Variants in KCNV2 observed in about 807,000 individuals in gnomAD.
KCNV2 encodes the protein potassium voltage-gated channel modifier subfamily V member 2, also known as potassium voltage-gated channel subfamily V member 2.
A neutral mutation model predicts 37.0 loss-of-function variants in KCNV2; 65 were observed. The ratio of observed to expected loss-of-function variants is 1.76; its 90% confidence interval spans 1.44 to 2.16. The LOEUF is 2.16. KCNV2 is among the 30% of genes most tolerant of loss of function. KCNV2 has a pLI of 0.00. For missense variants in KCNV2, 1,232 were observed against 766.7 expected (o/e 1.61, Z -7.17); for synonymous variants, 518 against 328.6 (o/e 1.58, Z -6.23).
chr9:2,722,300 A>G (rs1819889117), intron 1 of KCNV2, among the ~76,000 whole-genome samples: 4 of 127,760 alleles, frequency 3.1e-5, no homozygotes, highest in Admixed American at 3.1e-4. Context: ...GTTATTTATA[A>G]ATTAGAAGTT....
At position 2,718,132 on chromosome 9, in the gene KCNV2, C is replaced by A; in HGVS notation, c.393C>A (p.Ser131Arg). The change falls in exon 1 of 2, where the codon AGC (serine) becomes AGA (arginine). Residue 131 changes from serine to arginine, a missense_variant. Coordinates refer to ENST00000382082, the MANE Select transcript of KCNV2 (RefSeq NM_133497.4). ...TRLGRLATST[S>R]RSRQLSLCDD... ...TAGGTCGCCTGGCCACCTCCACCAG[C>A]CGCAGCCGCCAGCTAAGCCTGTGCG... The A allele has an allele frequency of 6.2e-7, 1 of 1,607,708 alleles. No individual in the cohort carries two copies. The highest frequency in any genetic ancestry group is 8.5e-7 in the Non-Finnish European group (1 of 1,177,212).
rs758982535 is a variant in KCNV2, at chr9:2,717,622, G to A, written c.-118G>A. 12 of 1,325,200 alleles carry A rather than the reference G, an allele frequency of 9.1e-6. No homozygotes were observed. Among genetic ancestry groups the A allele is most frequent in the Non-Finnish European group, 1.1e-5 (10 of 931,554 alleles). The allele number at this position is 1,325,200 out of a possible 1,614,324, so 82.1% of individuals were successfully genotyped here. A position where few individuals can be genotyped will look rare whatever the true frequency, so the allele number is the denominator to read the frequency against. On this transcript the variant is annotated 5_prime_UTR_variant, in exon 1 of 2. Coordinates refer to ENST00000382082, the MANE Select transcript of KCNV2 (RefSeq NM_133497.4). Reference sequence around the variant, plus strand: ...TCTGAGCCCCTAGCTGTGCTGGTCCGGGCTGGCCTCTCTAAGACAGTGCAG... The same window carrying A: ...TCTGAGCCCCTAGCTGTGCTGGTCCAGGCTGGCCTCTCTAAGACAGTGCAG...
chr9:2,727,611 C>T (rs545059383), intron 1 of KCNV2, among the ~76,000 whole-genome samples: 6 of 151,982 alleles, frequency 3.9e-5, no homozygotes, highest in African/African-American at 1.2e-4. Flanking sequence ...ATAAGCATAA[C>T]GTATATAGAG....
At position 2,718,582 on chromosome 9, in the gene KCNV2, C is replaced by T. The variant is rs1448724897; in HGVS notation, c.843C>T (p.Thr281=). The T allele has an allele frequency of 2.5e-6, 4 of 1,612,760 alleles. No homozygotes were observed. Among genetic ancestry groups the T allele is most frequent in the Non-Finnish European group, 3.4e-6 (4 of 1,179,764 alleles). The part of the protein sequence containing the change: ...LVSVVALALN[T]VEEMQQHSGQ... Reference sequence around the variant, plus strand: ...CCGTGGTGGCGCTGGCGCTCAACACCGTGGAGGAGATGCAGCAGCACTCGG... The same window carrying T: ...CCGTGGTGGCGCTGGCGCTCAACACTGTGGAGGAGATGCAGCAGCACTCGG... The change falls in exon 1 of 2, where the codon ACC becomes ACT. Residue 281 remains threonine (T), a synonymous_variant. Transcript: ENST00000382082.
chr9:2,720,630 G>C (rs1819849057), intron 1 of KCNV2: 1 of 152,226 alleles, frequency 6.6e-6, no homozygotes, highest in Admixed American at 6.5e-5. Flanking sequence ...CAGGAAAGCA[G>C]AAGAGTAAAT....
Position 2,718,977 on chromosome 9 carries a change from G to C in KCNV2, c.1238G>C (p.Cys413Ser). Residue 413 changes from cysteine (C) to serine (S), a missense_variant, in exon 1 of 2, where the codon TGC becomes TCC. Transcript: ENST00000382082. The part of the protein sequence containing the change: ...TLRQCYQQVG[C>S]LLLFIAMGIF... The stretch of plus-strand genomic sequence containing the variant: ...CGCCAGTGCTACCAGCAGGTGGGCT[G>C]CCTGCTGCTCTTCATCGCCATGGGC... The C allele has an allele frequency of 6.2e-7, 1 of 1,611,502 alleles. No homozygotes were observed. Among genetic ancestry groups the C allele is most frequent in the Non-Finnish European group, 8.5e-7 (1 of 1,180,010 alleles).
Position 2,729,568 on chromosome 9 carries a change from C to A in KCNV2, c.1479C>A (p.Tyr493Ter). Residue 493 changes from tyrosine (Y) to a stop codon, truncating the protein, a stop_gained, in exon 2 of 2, where the codon TAC becomes TAA. Coordinates refer to ENST00000382082, the MANE Select transcript of KCNV2 (RefSeq NM_133497.4). LOFTEE classifies it high-confidence loss of function. ...ILNGMPISIL[Y>*]NKFSDYYSKL... is the part of the protein sequence containing the mutation. ...ACGGGATGCCCATTTCCATCCTCTA[C>A]AACAAGTTTTCTGATTACTACAGCA... The A allele has an allele frequency of 6.2e-7, 1 of 1,614,012 alleles. No individual in the cohort carries two copies. Among genetic ancestry groups the A allele is most frequent in the Non-Finnish European group, 8.5e-7 (1 of 1,179,946 alleles).
rs530163400 is a variant in KCNV2 at position 2,718,779 on chromosome 9, A to G, written c.1040A>G (p.Tyr347Cys). Reference sequence around the variant, plus strand: ...GACCTGGTGGCCATCCTGCCGCTCTACCTTCAGCTGCTGCTCGAGTGCTTC... The same window carrying G: ...GACCTGGTGGCCATCCTGCCGCTCTGCCTTCAGCTGCTGCTCGAGTGCTTC... ...LVDLVAILPL[Y>C]LQLLLECFTG... is the part of the protein sequence containing the mutation. The change falls in exon 1 of 2, where the codon TAC becomes TGC. Residue 347 changes from tyrosine (Y) to cysteine (C), a missense_variant. Physicochemically the swap from Tyr to Cys is radical, Grantham distance 194. Coordinates refer to ENST00000382082, the MANE Select transcript of KCNV2 (RefSeq NM_133497.4). 7 of 1,610,970 alleles carry G rather than the reference A, an allele frequency of 4.3e-6. No individual in the cohort carries two copies. Among genetic ancestry groups the G allele is most frequent in the African/African-American group, 2.7e-5 (2 of 74,934 alleles).
rs776275880 is a variant in KCNV2 at position 2,718,116 on chromosome 9, T to G, written c.377T>G (p.Leu126Arg). The change falls in exon 1 of 2, where the codon CTG becomes CGG. Residue 126 changes from leucine (L) to arginine (R), a missense_variant. Leu to Arg is a moderately radical substitution (Grantham distance 102, BLOSUM62 -2). Transcript: ENST00000382082. ...AGFPKTRLGR[L>R]ATSTSRSRQL... The stretch of plus-strand genomic sequence containing the variant: ...TTCCCCAAGACGCGCCTAGGTCGCC[T>G]GGCCACCTCCACCAGCCGCAGCCGC... 1 of 1,601,826 alleles carries G rather than the reference T, an allele frequency of 6.2e-7. No homozygotes were observed. The highest frequency in any genetic ancestry group is 1.3e-5 in the African/African-American group (1 of 74,940).
At position 2,717,979 on chromosome 9, in the gene KCNV2, G is replaced by A. The variant is rs374187513; in HGVS notation, c.240G>A (p.Glu80=). 28 of 1,614,128 alleles carry A rather than the reference G, an allele frequency of 1.7e-5. No homozygotes were observed. The highest frequency in any genetic ancestry group is 3.3e-4 in the Middle Eastern group (2 of 6,062). ...DLAEEDQQAG[E]VTTAKPEGPS... is the part of the protein sequence containing the mutation. ...CAGAAGAGGACCAGCAGGCAGGGGA[G>A]GTCACCACCGCCAAGCCCGAGGGCC... The change falls in exon 1 of 2, where the codon GAG becomes GAA. Residue 80 remains glutamate (E), a synonymous_variant. Transcript: ENST00000382082.
At position 2,718,348 on chromosome 9, in the gene KCNV2, CGAG is replaced by C; in HGVS notation, c.613_615del (p.Glu205del). On this transcript the variant is annotated inframe_deletion, in exon 1 of 2. Coordinates refer to ENST00000382082, the MANE Select transcript of KCNV2 (RefSeq NM_133497.4). Reference sequence around the variant, plus strand: ...CGCCACGCTGCTGCCGCATCTGCTTCGAGGAGCGGCGCGACGAGCTGAGCGAAC... The same window carrying C: ...CGCCACGCTGCTGCCGCATCTGCTTCGAGCGGCGCGACGAGCTGAGCGAAC... The C allele has an allele frequency of 6.2e-7, 1 of 1,600,250 alleles. No individual in the cohort carries two copies. The highest frequency in any genetic ancestry group is 8.5e-7 in the Non-Finnish European group (1 of 1,175,328).
In KCNV2 at chr9:2,718,513, C is replaced by A. The variant is rs763922419; in HGVS notation, c.774C>A (p.Ala258=). 3.1e-6 allele frequency: 5 copies of A among 1,610,882 alleles called. No individual in the cohort carries two copies. The highest frequency in any genetic ancestry group is 4.2e-6 in the Non-Finnish European group (5 of 1,179,130). ...TGGAGAAGCCATTCTCCTCGGTGGC[C>A]GCCAAGGCCATCGGGGTGGCCTCCA... ...NLMEKPFSSV[A]AKAIGVASST... is the part of the protein sequence containing the mutation. The change falls in exon 1 of 2, where the codon GCC becomes GCA. Residue 258 remains alanine, a synonymous_variant. Coordinates refer to ENST00000382082, the MANE Select transcript of KCNV2 (RefSeq NM_133497.4).
rs772063937 is a variant in KCNV2 at position 2,718,664 on chromosome 9, T to G, written c.925T>G (p.Cys309Gly). ...RPILEHVEML[C>G]MGFFTLEYLL... ...CATCCTGGAGCACGTGGAGATGCTG[T>G]GCATGGGCTTCTTCACGCTCGAGTA... The change falls in exon 1 of 2, where the codon TGC becomes GGC. Residue 309 changes from cysteine to glycine, a missense_variant. By Grantham distance (159) the Cys-to-Gly change is radical. Coordinates refer to ENST00000382082, the MANE Select transcript of KCNV2 (RefSeq NM_133497.4). The G allele has an allele frequency of 1.2e-6, 2 of 1,613,352 alleles. No homozygotes were observed. Among genetic ancestry groups the G allele is most frequent in the South Asian group, 1.1e-5 (1 of 91,088 alleles).
At chr9:2,729,417 A>G (rs1820024366) in intron 1 of KCNV2, 29 bp from the exon 2 acceptor site, 1 of 1,612,220 alleles carries the variant, frequency 6.2e-7, no homozygotes, top group South Asian at 1.1e-5. Context: ...TAGTGCTAAC[A>G]ATTCCATCCT....
chr9:2,718,618 G>A lies in KCNV2; in HGVS notation c.879G>A (p.Glu293=). 1 of 1,613,078 alleles carries A rather than the reference G, an allele frequency of 6.2e-7. No individual in the cohort carries two copies. The highest frequency in any genetic ancestry group is 8.5e-7 in the Non-Finnish European group (1 of 1,179,804). ...EEMQQHSGQG[E]GGPDLRPILE... is the part of the protein sequence containing the mutation. ...TGCAGCAGCACTCGGGGCAGGGCGA[G>A]GGCGGCCCAGACCTGCGGCCCATCC... The change falls in exon 1 of 2, where the codon GAG becomes GAA. Residue 293 remains glutamate, a synonymous_variant. Coordinates refer to ENST00000382082, the MANE Select transcript of KCNV2 (RefSeq NM_133497.4).
intron 1 of KCNV2, among the ~76,000 whole-genome samples, chr9:2,723,281 A>G (rs1051978515): frequency 4.6e-5 from 7 of 152,196 alleles, no homozygotes; most frequent in African/African-American, 1.7e-4. Flanking sequence ...CACATTACAG[A>G]GAGTTTCTCT....
intron 1 of KCNV2, among the ~76,000 whole-genome samples, chr9:2,727,467 T>A (rs1259030592): frequency 6.6e-6 from 1 of 152,164 alleles, no homozygotes; most frequent in Non-Finnish European, 1.5e-5. Context: ...AAGAGGACTT[T>A]GAGATTAACC....
At chr9:2,725,430 A>G (rs1266450407) in intron 1 of KCNV2, among the ~76,000 whole-genome samples, 2 of 152,212 alleles carry the variant, frequency 1.3e-5, no homozygotes, top group Non-Finnish European at 2.9e-5. Flanking sequence ...TTAAGGCTAC[A>G]TTCAGTATTT....
rs1163967361 is a variant in KCNV2, at chr9:2,729,545, G to A, written c.1456G>A (p.Gly486Arg). Residue 486 changes from glycine (G) to arginine (R), a missense_variant, in exon 2 of 2, where the codon GGG (glycine) becomes AGG (arginine). By Grantham distance (125) the Gly-to-Arg change is moderately radical (BLOSUM62 -2). Transcript: ENST00000382082. Reference sequence around the variant, plus strand: ...CATTGCTTTTGGGATCATTCTCAACGGGATGCCCATTTCCATCCTCTACAA... The same window carrying A: ...CATTGCTTTTGGGATCATTCTCAACAGGATGCCCATTTCCATCCTCTACAA... ...LCIAFGIILN[G>R]MPISILYNKF... 1.2e-6 allele frequency: 2 copies of A among 1,614,066 alleles called. No homozygotes were observed. The highest frequency in any genetic ancestry group is 1.7e-6 in the Non-Finnish European group (2 of 1,180,010).
Sources: allele counts gnomAD v4.1 joint callset (sites outside exome capture counted in the v4.1 genomes callset), GRCh38; gene constraint gnomAD v4.1.1; transcripts MANE v1.5; gene names NCBI Gene and HGNC (gene_info 2026-07-23, HGNC 2026-07-21).